The following VAX2 variants were observed in gnomAD, a reference collection of about 807,000 sequenced individuals.
The protein encoded by VAX2 is ventral anterior homeobox 2.
A neutral mutation model predicts 12.5 loss-of-function variants in VAX2; 8 were observed. The ratio of observed to expected loss-of-function variants is 0.64; its 90% CI spans 0.37 to 1.15. VAX2 has a LOEUF of 1.15. Among genes scored for constraint, VAX2 ranks in the 50% most tolerant of loss-of-function variants. The probability of loss-of-function intolerance (pLI) is 0.01; values close to 1 mark genes in which losing one functional copy is unlikely to be tolerated. For synonymous variants in VAX2, 183 were observed against 187.6 expected (o/e 0.98, Z 0.20); for missense variants, 476 against 412.9 (o/e 1.15, Z -1.32).
At chr2:70,908,489 T>G (rs531522465) in intron 1 of VAX2, among the ~76,000 whole-genome samples, 1 of 152,366 alleles carries the variant, frequency 6.6e-6, no homozygotes, top group Non-Finnish European at 1.5e-5. Context: ...TTGTTTGTTT[T>G]TTTTATAGAT....
At chr2:70,921,059 G>A in intron 1 of VAX2, 39 bp from the exon 2 acceptor site, 1 of 1,507,920 alleles carries the variant, frequency 6.6e-7, no homozygotes, top group Non-Finnish European at 8.9e-7. Flanking sequence ...TAACTCCCTA[G>A]CTAATGAACT....
At chr2:70,902,714 A>G (rs1678961764) in intron 1 of VAX2, among the ~76,000 whole-genome samples, 1 of 152,204 alleles carries the variant, frequency 6.6e-6, no homozygotes, top group African/African-American at 2.4e-5. Flanking sequence ...CTTCAGGGGT[A>G]AACTCATAGG....
chr2:70,902,289 G>C (rs1553409885), intron 1 of VAX2, among the ~76,000 whole-genome samples: 1 of 152,228 alleles, frequency 6.6e-6, no homozygotes, highest in Non-Finnish European at 1.5e-5. Flanking sequence ...CCTGGTGCCA[G>C]ATGTCACTGG....
intron 2 of VAX2, 28 bp from the exon 3 acceptor site, chr2:70,932,739 T>C: frequency 5.6e-6 from 7 of 1,244,360 alleles, no homozygotes; most frequent in Non-Finnish European, 7.3e-6. Context: ...CCCATCTCCC[T>C]CCTTGACACC....
intron 2 of VAX2, among the ~76,000 whole-genome samples, chr2:70,926,089 T>A (rs1679565156): frequency 6.6e-6 from 1 of 151,852 alleles, no homozygotes; most frequent in Admixed American, 6.6e-5. Context: ...GCATGCCCAA[T>A]TCAGCTCAGT....
Position 70,933,177 on chromosome 2 carries a change from CAGCAGCTGCAAGAA to C in VAX2, c.850_863del (p.Ser284Ter), listed in dbSNP as rs1553414675. 1 of 1,530,586 alleles carries C rather than the reference CAGCAGCTGCAAGAA, an allele frequency of 6.5e-7. No homozygotes were observed. The highest frequency in any genetic ancestry group is 8.8e-7 in the Non-Finnish European group (1 of 1,141,486). 94.8% of individuals were successfully genotyped at this position (1,530,586 alleles called of 1,614,324 possible). A position where few individuals can be genotyped will look rare whatever the true frequency, so the allele number is the denominator to read the frequency against. On this transcript the variant is annotated frameshift_variant, in exon 3 of 3. Transcript: ENST00000234392. LOFTEE classifies it high-confidence loss of function. ...GGCTAGAACGGAAAGTGGGCAGCGC[CAGCAGCTGCAAGAA>C]AGCTAACACTTAAGACTCCCACCCT...
At chr2:70,911,689 T>C (rs1679190582) in intron 1 of VAX2, among the ~76,000 whole-genome samples, 1 of 152,244 alleles carries the variant, frequency 6.6e-6, no homozygotes, top group African/African-American at 2.4e-5. Flanking sequence ...CTGATTCCTC[T>C]AGCCCGAGTA....
Position 70,903,801 on chromosome 2 carries a change from T to C in VAX2, c.247+2933T>C, listed in dbSNP as rs552075659. Among the ~76,000 whole-genome samples the C allele has an allele frequency of 1.3e-4, 20 of 152,280 alleles. 1 individual carries two copies. The South Asian group carries it at 3.5e-3, about 27-fold the overall frequency. On this transcript the variant is annotated intron_variant, in intron 1 of 2. Coordinates refer to ENST00000234392, the MANE Select transcript of VAX2 (RefSeq NM_012476.3). ...TCACCCCTTTCCCCCTCCTTCTGGCTCTGGGCCCGGGGCCTGGGCTGTACT... is the reference window on the plus strand; with the variant it reads ...TCACCCCTTTCCCCCTCCTTCTGGCCCTGGGCCCGGGGCCTGGGCTGTACT...
intron 1 of VAX2, among the ~76,000 whole-genome samples, chr2:70,907,362 G>C (rs782564390): frequency 6.6e-6 from 1 of 152,238 alleles, no homozygotes. Flanking sequence ...TTCGGCTTTC[G>C]GCTTTCGGCG....
chr2:70,917,669 G>A (rs771587561), intron 1 of VAX2, among the ~76,000 whole-genome samples: 1 of 152,188 alleles, frequency 6.6e-6, no homozygotes. Context: ...TGGCAAGTCT[G>A]AGGTTGCCTT....
chr2:70,913,153 T>C (rs1679227810), intron 1 of VAX2, among the ~76,000 whole-genome samples: 1 of 152,184 alleles, frequency 6.6e-6, no homozygotes, highest in Non-Finnish European at 1.5e-5. Context: ...CAGAAGTCCA[T>C]CACAAGTGGA....
rs782033964 is a variant in VAX2, at chr2:70,921,184, G to A, written c.334G>A (p.Glu112Lys). Residue 112 changes from glutamate (E) to lysine (K), a missense_variant, in exon 2 of 3, where the codon GAG becomes AAG. Glu to Lys is a moderately conservative substitution (Grantham distance 56). Transcript: ENST00000234392. Reference sequence around the variant, plus strand: ...GCGGACACGTACATCCTTCACTGCCGAGCAGCTGTACCGCCTGGAGATGGA... The same window carrying A: ...GCGGACACGTACATCCTTCACTGCCAAGCAGCTGTACCGCCTGGAGATGGA... The part of the protein sequence containing the change: ...PKRTRTSFTA[E>K]QLYRLEMEFQ... 1.1e-5 allele frequency: 18 copies of A among 1,613,578 alleles called. No individual in the cohort carries two copies. The highest frequency in any genetic ancestry group is 5.3e-5 in the African/African-American group (4 of 74,928).
intron 1 of VAX2, among the ~76,000 whole-genome samples, chr2:70,912,576 C>T (rs1197830479): frequency 6.6e-6 from 1 of 152,144 alleles, no homozygotes; most frequent in African/African-American, 2.4e-5. Flanking sequence ...GGAGGAGAAT[C>T]GCTTGAACCC....
At chr2:70,929,643 T>C (rs1307282511) in intron 2 of VAX2, among the ~76,000 whole-genome samples, 1 of 146,900 alleles carries the variant, frequency 6.8e-6, no homozygotes, top group East Asian at 2.0e-4. Flanking sequence ...GCCGAGATCA[T>C]GCCACTGCAC....
intron 1 of VAX2, among the ~76,000 whole-genome samples, chr2:70,902,913 T>C (rs1411855936): frequency 3.3e-5 from 5 of 152,168 alleles, no homozygotes; most frequent in African/African-American, 1.2e-4. Context: ...ATAATCGAAA[T>C]ATTAGACATA....
At chr2:70,931,756 T>C (rs1166737366) in intron 2 of VAX2, among the ~76,000 whole-genome samples, 1 of 152,244 alleles carries the variant, frequency 6.6e-6, no homozygotes, top group Non-Finnish European at 1.5e-5. Context: ...ACAGACATTA[T>C]TCAGCACTCC....
chr2:70,900,775 T>C lies in VAX2; in HGVS notation c.154T>C (p.Ser52Pro). ...SPTEVAGTSA[S>P]SPAGSRESGA... The stretch of plus-strand genomic sequence containing the variant: ...AACGGAGGTGGCCGGGACCTCAGCC[T>C]CCAGTCCCGCAGGCTCCAGGGAGAG... The change falls in exon 1 of 3, where the codon TCC (serine) becomes CCC (proline). Residue 52 changes from serine to proline, a missense_variant. Physicochemically the swap from Ser to Pro is moderately conservative, Grantham distance 74. Coordinates refer to ENST00000234392, the MANE Select transcript of VAX2 (RefSeq NM_012476.3). 6.7e-7 allele frequency: 1 copy of C among 1,497,992 alleles called. No homozygotes were observed. The highest frequency in any genetic ancestry group is 1.3e-5 in the South Asian group (1 of 79,072). 92.8% of individuals were successfully genotyped at this position (1,497,992 alleles called of 1,614,324 possible). A position where few individuals can be genotyped will look rare whatever the true frequency, so the allele number is the denominator to read the frequency against.
chr2:70,909,231 C>A (rs974708049), intron 1 of VAX2, among the ~76,000 whole-genome samples: 3 of 152,092 alleles, frequency 2.0e-5, no homozygotes, highest in Admixed American at 6.5e-5. Flanking sequence ...AGTGGCCCAA[C>A]AATAGCACAC....
chr2:70,923,943 T>C (rs1553413225), intron 2 of VAX2, among the ~76,000 whole-genome samples: 1 of 152,132 alleles, frequency 6.6e-6, no homozygotes, highest in African/African-American at 2.4e-5. Flanking sequence ...AAGACCAGCC[T>C]TGGCAGCAGA....
Sources: allele counts gnomAD v4.1 joint callset (sites outside exome capture counted in the v4.1 genomes callset), GRCh38; gene constraint gnomAD v4.1.1; transcripts MANE v1.5; gene names NCBI Gene and HGNC (gene_info 2026-07-23, HGNC 2026-07-21).